The following ZNFX1 variants were observed in gnomAD, a reference collection of about 807,000 sequenced individuals.
The protein encoded by ZNFX1 is zinc finger NFX1-type containing 1.
In ZNFX1, 78 loss-of-function variants were observed where a neutral mutation model predicts 179.8. The observed-to-expected ratio is 0.43, with a 90% CI of 0.36 to 0.52. The LOEUF (loss-of-function observed/expected upper bound fraction) is 0.52. Among genes scored for constraint, ZNFX1 ranks in the 20% least tolerant of loss-of-function variants. ZNFX1 has a pLI of 0.00. For missense variants in ZNFX1, 1,927 were observed against 2,386.6 expected (o/e 0.81, Z 4.01); for synonymous variants, 848 against 868.5 (o/e 0.98, Z 0.42).
chr20:49,269,828 G>T, intron 3 of ZNFX1, 114 bp downstream of exon 3: 1 of 1,318,940 alleles, frequency 7.6e-7, no homozygotes, highest in Non-Finnish European at 1.0e-6. Context: ...TAAAATAAAA[G>T]TTGGAAAATA....
Position 49,270,645 on chromosome 20 carries a change from CAA to C in ZNFX1, c.1165_1166del (p.Leu389GlyfsTer7), listed in dbSNP as rs1321188469. On this transcript the variant is annotated frameshift_variant, in exon 3 of 14. Coordinates refer to ENST00000396105, the MANE Select transcript of ZNFX1 (RefSeq NM_021035.3). LOFTEE classifies it high-confidence loss of function. This position sits in a 1 kb window ranked among gnomAD's most constrained non-coding sequence, Gnocchi z 4.6. ...DFVRPLREGI[L>X]ELLQSFEDQG... ...GGTCTTCAAAGCTTTGGAGAAGTTC[CAA>C]AATACCTTCCCGTAAAGGTCTGACG... is the stretch of plus-strand genomic sequence containing the variant. 1 of 1,614,180 alleles carries C rather than the reference CAA, an allele frequency of 6.2e-7. No homozygotes were observed. The highest frequency in any genetic ancestry group is 1.1e-5 in the South Asian group (1 of 91,082).
intron 7 of ZNFX1, 106 bp from the exon 8 acceptor site, chr20:49,257,770 T>C: frequency 6.9e-7 from 1 of 1,446,160 alleles, no homozygotes; most frequent in Non-Finnish European, 9.1e-7. Context: ...GGTGCGATCT[T>C]GGCTCATTGC....
chr20:49,248,592 G>C lies in ZNFX1; in HGVS notation c.4432C>G (p.Pro1478Ala), dbSNP rs1208378661. 3 of 1,614,064 alleles carry C rather than the reference G, an allele frequency of 1.9e-6. No individual in the cohort carries two copies. Among genetic ancestry groups the C allele is most frequent in the Non-Finnish European group, 2.5e-6 (3 of 1,180,064 alleles). The change falls in exon 14 of 14, where the codon CCA (proline) becomes GCA (alanine). Residue 1478 changes from proline to alanine, a missense_variant. Physicochemically the swap from Pro to Ala is conservative, Grantham distance 27. Coordinates refer to ENST00000396105, the MANE Select transcript of ZNFX1 (RefSeq NM_021035.3). This position sits in a 1 kb window ranked among gnomAD's most constrained non-coding sequence, Gnocchi z 4.6. ...CAGGGTGGGCACTCACCAATGCATGGTTCCTGGCACTTGTGTGAGCAGATA... is the reference window on the plus strand; with the variant it reads ...CAGGGTGGGCACTCACCAATGCATGCTTCCTGGCACTTGTGTGAGCAGATA... ...LLICSHKCQEPCIGECPPCQR... is the reference protein window; with the variant it reads ...LLICSHKCQEACIGECPPCQR...
rs550033178 is a variant in ZNFX1, at chr20:49,268,325, C to T, written c.1870+1617G>A. Among the ~76,000 whole-genome samples, 37 of 152,092 alleles carry T rather than the reference C, an allele frequency of 2.4e-4. 1 individual carries two copies. Among genetic ancestry groups the T allele is most frequent in the African/African-American group, 8.4e-4 (35 of 41,518 alleles). On this transcript the variant is annotated intron_variant, in intron 3 of 13. Coordinates refer to ENST00000396105, the MANE Select transcript of ZNFX1 (RefSeq NM_021035.3). ...AATTTAAAATAATATAAAATTGAAC[C>T]AATTATATAAAGCAGAAATCACACA...
intron 1 of ZNFX1, among the ~76,000 whole-genome samples, chr20:49,277,183 G>A (rs1981589618): frequency 6.6e-6 from 1 of 152,140 alleles, no homozygotes; most frequent in South Asian, 2.1e-4. Context: ...GAATGAGAGG[G>A]GCTAGTCATC....
At chr20:49,275,039 C>T (rs1981516941) in intron 2 of ZNFX1, among the ~76,000 whole-genome samples, 2 of 151,680 alleles carry the variant, frequency 1.3e-5, no homozygotes, top group South Asian at 2.1e-4. Context: ...AGGAGAATGG[C>T]GTGAACCCGG....
At position 49,259,139 on chromosome 20, in the gene ZNFX1, T is replaced by A. The variant is rs1169310348; in HGVS notation, c.2416+1324A>T. 1.4e-3 allele frequency among the ~76,000 whole-genome samples: 204 copies of A among 143,378 alleles called. 1 individual carries two copies. The highest frequency in any genetic ancestry group is 5.0e-3 in the African/African-American group (197 of 39,730). 94.1% of individuals were successfully genotyped at this position (143,378 alleles called of 152,430 possible). ...AAAAATAAATAAATAAATAAATAAATAAAATAAATACACAATAAATAAATA... is the reference window on the plus strand; with the variant it reads ...AAAAATAAATAAATAAATAAATAAAAAAAATAAATACACAATAAATAAATA... On this transcript the variant is annotated intron_variant, in intron 7 of 13. Coordinates refer to ENST00000396105, the MANE Select transcript of ZNFX1 (RefSeq NM_021035.3).
At position 49,271,498 on chromosome 20, in the gene ZNFX1, C is replaced by T. The variant is rs1468750298; in HGVS notation, c.314G>A (p.Trp105Ter). Residue 105 changes from tryptophan (W) to a stop codon, truncating the protein, a stop_gained, in exon 3 of 14, where the codon TGG becomes TAG. Transcript: ENST00000396105. LOFTEE classifies it high-confidence loss of function. ...QRHDQENDTR[W>*]RNGNQDCRNR... is the part of the protein sequence containing the mutation. ...CCTACAGTCCTGGTTGCCATTTCTC[C>T]ACCTGGTGTCATTCTCCTGGTCATG... The T allele has an allele frequency of 1.2e-6, 2 of 1,614,174 alleles. No individual in the cohort carries two copies. The highest frequency in any genetic ancestry group is 8.5e-7 in the Non-Finnish European group (1 of 1,180,024).
intron 9 of ZNFX1, 77 bp from the exon 10 acceptor site, chr20:49,254,726 A>C: frequency 6.8e-7 from 1 of 1,474,160 alleles, no homozygotes; most frequent in Non-Finnish European, 9.2e-7. Flanking sequence ...CAGTGTGCCC[A>C]GTGTATGAAG....
intron 6 of ZNFX1, among the ~76,000 whole-genome samples, chr20:49,262,704 A>G (rs1393234290): frequency 6.6e-6 from 1 of 152,218 alleles, no homozygotes; most frequent in Admixed American, 6.5e-5. Context: ...CTGGGTTCCT[A>G]GCCTGCCACT....
chr20:49,255,214 T>G (rs1210127860), intron 9 of ZNFX1, among the ~76,000 whole-genome samples: 2 of 151,990 alleles, frequency 1.3e-5, no homozygotes, highest in Non-Finnish European at 2.9e-5. Context: ...CAGCTAATTT[T>G]TTGTGTTTTT....
At chr20:49,255,723 T>C in intron 9 of ZNFX1, 85 bp downstream of exon 9, 1 of 1,453,322 alleles carries the variant, frequency 6.9e-7, no homozygotes, top group Non-Finnish European at 9.3e-7. Context: ...TTAGTTAACA[T>C]CGTTGAAGGT....
In ZNFX1 at chr20:49,253,713, A is replaced by G. The variant is rs1980899728; in HGVS notation, c.3058T>C (p.Leu1020=). ...ATGAGGTGCTGGCAAGCTTTGCTCA[A>G]TGTGGCAATGGTATGGGCCTCAAGG... ...EVLEAHTIAT[L]SKACQHLILI... is the part of the protein sequence containing the mutation. Residue 1020 remains leucine (L), a synonymous_variant, in exon 11 of 14, where the codon TTG becomes CTG. Transcript: ENST00000396105. 1.2e-6 allele frequency: 2 copies of G among 1,614,070 alleles called. No homozygotes were observed. The highest frequency in any genetic ancestry group is 8.5e-7 in the Non-Finnish European group (1 of 1,180,042).
rs1980728592 is a variant in ZNFX1, at chr20:49,248,143, G to C, written c.4881C>G (p.Arg1627=). The part of the protein sequence containing the change: ...KVCPICQVPI[R]KNLRYGTSIK... ...TGCTAGTTCCATACCTCAGGTTTTTGCGGATGGGCACCTGGCAGATAGGGC... is the reference window on the plus strand; with the variant it reads ...TGCTAGTTCCATACCTCAGGTTTTTCCGGATGGGCACCTGGCAGATAGGGC... Residue 1627 remains arginine (R), a synonymous_variant, in exon 14 of 14, where the codon CGC becomes CGG. Coordinates refer to ENST00000396105, the MANE Select transcript of ZNFX1 (RefSeq NM_021035.3). The surrounding 1 kb of genome is among the most constrained non-coding windows in gnomAD (Gnocchi z 4.6). 3.1e-6 allele frequency: 5 copies of C among 1,613,964 alleles called. No individual in the cohort carries two copies. The Admixed American group carries it at 5.0e-5, about 16-fold the overall frequency.
At position 49,263,447 on chromosome 20, in the gene ZNFX1, G is replaced by A; in HGVS notation, c.2188C>T (p.His730Tyr). The change falls in exon 6 of 14, where the codon CAT becomes TAT. Residue 730 changes from histidine to tyrosine, a missense_variant. Coordinates refer to ENST00000396105, the MANE Select transcript of ZNFX1 (RefSeq NM_021035.3). Reference protein sequence around the residue: ...TQMKESEQELHEGAKTLECTM... With the variant: ...TQMKESEQELYEGAKTLECTM... The stretch of plus-strand genomic sequence containing the variant: ...CACTCCAGGGTCTTGGCTCCTTCAT[G>A]AAGCTCTTGCTCTGACTCCTTCATC... 1 of 1,602,932 alleles carries A rather than the reference G, an allele frequency of 6.2e-7. No individual in the cohort carries two copies.
chr20:49,254,485 A>C lies in ZNFX1; in HGVS notation c.2959+10T>G. On this transcript the variant is annotated intron_variant, in intron 10 of 13. Coordinates refer to ENST00000396105, the MANE Select transcript of ZNFX1 (RefSeq NM_021035.3). ...AGATGCAACAGGCAAATTTCTCCAC[A>C]GTTTCTTACCTGTGGTTGTCATTCC... 6.2e-7 allele frequency: 1 copy of C among 1,612,570 alleles called. No homozygotes were observed. The highest frequency in any genetic ancestry group is 8.5e-7 in the Non-Finnish European group (1 of 1,178,806).
Position 49,252,832 on chromosome 20 carries a change from T to C in ZNFX1, c.3106-2A>G. The C allele has an allele frequency of 6.2e-7, 1 of 1,612,844 alleles. No homozygotes were observed. Among genetic ancestry groups the C allele is most frequent in the Non-Finnish European group, 8.5e-7 (1 of 1,178,840 alleles). ...ATACACGTTGGCACTGGGGCGCAGC[T>C]GAGAAGAGAAACATGGCTGAGGATT... On this transcript the variant is annotated splice_acceptor_variant, in intron 11 of 13. Coordinates refer to ENST00000396105, the MANE Select transcript of ZNFX1 (RefSeq NM_021035.3). LOFTEE classifies it high-confidence loss of function.
Position 49,248,188 on chromosome 20 carries a change from G to A in ZNFX1, c.4836C>T (p.Val1612=), listed in dbSNP as rs774349980. 1.7e-5 allele frequency: 28 copies of A among 1,614,140 alleles called. No individual in the cohort carries two copies. The highest frequency in any genetic ancestry group is 5.5e-5 in the South Asian group (5 of 91,062). Residue 1612 remains valine (V), a synonymous_variant, in exon 14 of 14, where the codon GTC becomes GTT. Coordinates refer to ENST00000396105, the MANE Select transcript of ZNFX1 (RefSeq NM_021035.3). This position sits in a 1 kb window ranked among gnomAD's most constrained non-coding sequence, Gnocchi z 4.6. ...TAGGGCAGACTTTCAATCTGATGGC[G>A]ACTTCATCATCCTTCTGTTCATTCA... ...RYMNEQKDDE[V]AIRLKVCPIC...
intron 7 of ZNFX1, among the ~76,000 whole-genome samples, chr20:49,259,140 AAAAT>A (rs1981054743): frequency 3.3e-5 from 5 of 150,842 alleles, no homozygotes; most frequent in African/African-American, 4.9e-5. Flanking sequence ...ATAAATAAAT[AAAAT>A]AAATACACAA....
Sources: allele counts gnomAD v4.1 joint callset (sites outside exome capture counted in the v4.1 genomes callset), GRCh38; gene constraint gnomAD v4.1.1; non-coding constraint Gnocchi (gnomAD v3.1); transcripts MANE v1.5; gene names NCBI Gene and HGNC (gene_info 2026-07-23, HGNC 2026-07-21).